Variants in ARK2N observed in about 807,000 individuals in gnomAD.
The protein encoded by ARK2N is protein ARK2N.
the ARK2N span, among the ~76,000 whole-genome samples, chr18:46,205,099 G>GT: frequency 6.6e-6 from 1 of 151,962 alleles, no homozygotes; most frequent in Non-Finnish European, 1.5e-5. Flanking sequence ...GTAGAGACGG[G>GT]TTTTTACCAT....
At chr18:46,198,734 G>A in the ARK2N span, among the ~76,000 whole-genome samples, 2 of 152,040 alleles carry the variant, frequency 1.3e-5, no homozygotes, top group Non-Finnish European at 2.9e-5. Context: ...AAGTAGCTGG[G>A]ACTACAGGCG....
chr18:46,193,907 T>C, the ARK2N span, among the ~76,000 whole-genome samples: 1 of 152,084 alleles, frequency 6.6e-6, no homozygotes, highest in Non-Finnish European at 1.5e-5. Flanking sequence ...CCCCTAACCT[T>C]ATATTGTAGT....
the ARK2N span, among the ~76,000 whole-genome samples, chr18:46,190,532 C>A: frequency 6.6e-6 from 1 of 151,204 alleles, no homozygotes. Context: ...TTTCAAAAAA[C>A]CTGCAAATAT....
chr18:46,216,168 C>T, the ARK2N span: 1 of 1,613,996 alleles, frequency 6.2e-7, no homozygotes, highest in Non-Finnish European at 8.5e-7. This position sits in a 1 kb window ranked among gnomAD's most constrained non-coding sequence, Gnocchi z 4.3. Flanking sequence ...GCATGCTTTC[C>T]CCTTCCTCTA....
At chr18:46,244,694 C>T in the ARK2N span, among the ~76,000 whole-genome samples, 1 of 144,892 alleles carries the variant, frequency 6.9e-6, no homozygotes, top group African/African-American at 2.5e-5. Flanking sequence ...CTCTGCCTCC[C>T]GGGTTCAAGT....
the ARK2N span, among the ~76,000 whole-genome samples, chr18:46,200,978 T>C: frequency 1.6e-5 from 2 of 122,962 alleles, no homozygotes; most frequent in African/African-American, 6.3e-5. Flanking sequence ...TTTTCTTTTT[T>C]CTTTTTTTTT....
chr18:46,221,834 T>A, the ARK2N span, among the ~76,000 whole-genome samples: 61 of 152,338 alleles, frequency 4.0e-4, no homozygotes, highest in African/African-American at 1.3e-3. Flanking sequence ...ATTGACCTTT[T>A]TCCTAGATTG....
At chr18:46,206,703 TTTATC>T in the ARK2N span, among the ~76,000 whole-genome samples, 2 of 152,168 alleles carry the variant, frequency 1.3e-5, no homozygotes, top group African/African-American at 4.8e-5. Flanking sequence ...ATTTATTACT[TTTATC>T]TTACCGTATG....
chr18:46,224,441 G>A, the ARK2N span, among the ~76,000 whole-genome samples: 1 of 152,148 alleles, frequency 6.6e-6, no homozygotes, highest in African/African-American at 2.4e-5. Flanking sequence ...TAATGATTGA[G>A]TATGGGCCAG....
the ARK2N span, chr18:46,218,185 G>A: frequency 6.6e-6 from 1 of 152,130 alleles, no homozygotes; most frequent in Non-Finnish European, 1.5e-5. Flanking sequence ...CACTTTCCCT[G>A]TTTTGCTTAA....
the ARK2N span, among the ~76,000 whole-genome samples, chr18:46,219,555 C>T: frequency 7.9e-5 from 12 of 151,726 alleles, no homozygotes; most frequent in African/African-American, 1.5e-4. Context: ...CTGCAACCTC[C>T]GCCTCCCAGG....
the ARK2N span, chr18:46,265,891 G>C: frequency 1.3e-5 from 2 of 149,860 alleles, no homozygotes; most frequent in Admixed American, 6.7e-5. Context: ...GGTACATGTG[G>C]GTCACAGATT....
At chr18:46,240,216 C>A in the ARK2N span, 1 of 1,611,698 alleles carries the variant, frequency 6.2e-7, no homozygotes, top group East Asian at 2.2e-5. Context: ...CCTTCTCTAA[C>A]GGTGTAATAT....
At chr18:46,191,059 T>C in the ARK2N span, among the ~76,000 whole-genome samples, 1 of 152,310 alleles carries the variant, frequency 6.6e-6, no homozygotes, top group East Asian at 1.9e-4. Context: ...TTTTTATCTC[T>C]TTGGGTACTG....
the ARK2N span, chr18:46,263,877 A>G: frequency 6.6e-6 from 1 of 152,632 alleles, no homozygotes; most frequent in African/African-American, 2.4e-5. Context: ...ATCTGAAGGT[A>G]TTAAGAGTTC....
the ARK2N span, chr18:46,262,975 A>C: frequency 6.2e-7 from 1 of 1,614,036 alleles, no homozygotes; most frequent in African/African-American, 1.3e-5. Flanking sequence ...TTCTTCATGG[A>C]AGCATGGCTC....
chr18:46,186,396 A>G, the ARK2N span, among the ~76,000 whole-genome samples: 1 of 151,074 alleles, frequency 6.6e-6, no homozygotes, highest in Non-Finnish European at 1.5e-5. Context: ...GGGTTTCACC[A>G]TGTCGGCCAG....
At chr18:46,188,223 A>G in the ARK2N span, among the ~76,000 whole-genome samples, 1 of 152,158 alleles carries the variant, frequency 6.6e-6, no homozygotes, top group Non-Finnish European at 1.5e-5. Flanking sequence ...TTTTTGAGAC[A>G]GAGTTTTGCT....
chr18:46,194,466 GT>G, the ARK2N span, among the ~76,000 whole-genome samples: 27 of 137,950 alleles, frequency 2.0e-4, no homozygotes, highest in Admixed American at 7.4e-4. Context: ...TCTTTTTTTT[GT>G]TTTTTTTTTT....
Sources: gnomAD v4.1 joint callset for allele counts (sites outside exome capture counted in the v4.1 genomes callset) on GRCh38, gnomAD v4.1.1 for gene constraint, Gnocchi (gnomAD v3.1) non-coding constraint, MANE v1.5 for transcripts, NCBI Gene and HGNC (gene_info 2026-07-23, HGNC 2026-07-21) for gene names.